Variants in CHCHD6 observed in about 807,000 individuals in gnomAD.
CHCHD6 encodes MICOS complex subunit MIC25.
A neutral mutation model predicts 32.3 loss-of-function variants in CHCHD6; 28 were observed. That is an observed-to-expected ratio of 0.87 (90% confidence interval 0.64 to 1.19). CHCHD6 has a LOEUF of 1.19. CHCHD6 is among the 50% of genes most tolerant of loss of function. The pLI is 0.00. For synonymous variants in CHCHD6, 122 were observed against 117.5 expected (o/e 1.04, Z -0.25); for missense variants, 333 against 307.0 (o/e 1.08, Z -0.63).
chr3:126,841,341 C>T (rs745459202), intron 4 of CHCHD6, among the ~76,000 whole-genome samples: 24 of 151,956 alleles, frequency 1.6e-4, no homozygotes, highest in Non-Finnish European at 1.9e-4. Context: ...TGAATAATGC[C>T]GCAAGAGAAG....
intron 5 of CHCHD6, among the ~76,000 whole-genome samples, chr3:126,887,907 C>G (rs549810244): frequency 6.6e-6 from 1 of 152,350 alleles, no homozygotes; most frequent in South Asian, 2.1e-4. Context: ...CACACCCACT[C>G]TTCTTTTCAC....
chr3:126,767,459 T>A (rs1448279818), intron 4 of CHCHD6: 2 of 648,864 alleles, frequency 3.1e-6, no homozygotes, highest in Admixed American at 2.4e-5. Flanking sequence ...ATTCCTAGAT[T>A]TCCAAAGAAT....
intron 4 of CHCHD6, among the ~76,000 whole-genome samples, chr3:126,743,059 G>T (rs1277680111): frequency 6.6e-6 from 1 of 152,140 alleles, no homozygotes; most frequent in Non-Finnish European, 1.5e-5. Flanking sequence ...GTGTCATTGA[G>T]CAAGGAGAAG....
chr3:126,825,921 C>T (rs1940373124), intron 4 of CHCHD6, among the ~76,000 whole-genome samples: 1 of 152,180 alleles, frequency 6.6e-6, no homozygotes, highest in Non-Finnish European at 1.5e-5. Context: ...TTCTTTCTAG[C>T]AATTCTGTGC....
chr3:126,947,126 G>C (rs577979668), intron 6 of CHCHD6, among the ~76,000 whole-genome samples: 2 of 152,360 alleles, frequency 1.3e-5, no homozygotes, highest in South Asian at 4.1e-4. Context: ...TGGAGTGCCC[G>C]CCGTCATGGG....
At chr3:126,822,850 C>A (rs1243706581) in intron 4 of CHCHD6, among the ~76,000 whole-genome samples, 1 of 151,602 alleles carries the variant, frequency 6.6e-6, no homozygotes, top group Non-Finnish European at 1.5e-5. Context: ...TAGTAACACT[C>A]TTTATTAATT....
chr3:126,940,414 A>G (rs2078542587), intron 6 of CHCHD6, among the ~76,000 whole-genome samples: 1 of 152,188 alleles, frequency 6.6e-6, no homozygotes, highest in African/African-American at 2.4e-5. Flanking sequence ...TTATTCTTGT[A>G]TATGGTTATA....
At chr3:126,756,346 TCTCCAATAGAG>T (rs937014283) in intron 4 of CHCHD6, among the ~76,000 whole-genome samples, 1 of 152,198 alleles carries the variant, frequency 6.6e-6, no homozygotes, top group African/African-American at 2.4e-5. Flanking sequence ...TTCTCCTTTG[TCTCCAATAGAG>T]CTGCCTGGGG....
At chr3:126,860,849 A>G (rs1941834605) in intron 5 of CHCHD6, among the ~76,000 whole-genome samples, 1 of 152,216 alleles carries the variant, frequency 6.6e-6, no homozygotes, top group Non-Finnish European at 1.5e-5. Flanking sequence ...TCAATGAGAC[A>G]GGAATATACA....
intron 4 of CHCHD6, among the ~76,000 whole-genome samples, chr3:126,796,806 C>G (rs1559848999): frequency 6.6e-6 from 1 of 152,146 alleles, no homozygotes; most frequent in African/African-American, 2.4e-5. Context: ...TTTAGGCCCA[C>G]TCGAAGCCTC....
chr3:126,927,286 G>C (rs2078338127), intron 6 of CHCHD6, among the ~76,000 whole-genome samples: 1 of 152,212 alleles, frequency 6.6e-6, no homozygotes, highest in South Asian at 2.1e-4. Flanking sequence ...GCGTTCGTCT[G>C]CTGTCCACCA....
At chr3:126,913,024 T>C (rs2078115323) in intron 5 of CHCHD6, among the ~76,000 whole-genome samples, 2 of 152,084 alleles carry the variant, frequency 1.3e-5, no homozygotes, top group African/African-American at 4.8e-5. Context: ...GTGTGCCTGG[T>C]GGGCGGAGAG....
intron 6 of CHCHD6, among the ~76,000 whole-genome samples, chr3:126,942,002 T>C (rs532727059): frequency 8.5e-5 from 13 of 152,338 alleles, no homozygotes; most frequent in Admixed American, 5.2e-4. Context: ...AACAGTTCCT[T>C]ACTCTTTCGT....
At chr3:126,861,529 A>G (rs900399182) in intron 5 of CHCHD6, among the ~76,000 whole-genome samples, 1 of 151,210 alleles carries the variant, frequency 6.6e-6, no homozygotes, top group Non-Finnish European at 1.5e-5. Context: ...CACCACTACC[A>G]ACACCACCAC....
intron 5 of CHCHD6, among the ~76,000 whole-genome samples, chr3:126,876,137 C>T (rs1383565590): frequency 6.6e-6 from 1 of 152,244 alleles, no homozygotes; most frequent in African/African-American, 2.4e-5. Context: ...CTCATATAGC[C>T]TGCTTCTTTG....
intron 4 of CHCHD6, among the ~76,000 whole-genome samples, chr3:126,734,123 C>G (rs1935936641): frequency 6.6e-6 from 1 of 152,226 alleles, no homozygotes; most frequent in South Asian, 2.1e-4. Context: ...CAGAATTCCT[C>G]TTACATCACA....
chr3:126,775,306 C>T (rs1937616701), intron 4 of CHCHD6, among the ~76,000 whole-genome samples: 2 of 152,138 alleles, frequency 1.3e-5, no homozygotes, highest in Admixed American at 1.3e-4. Flanking sequence ...AAATGTGTGT[C>T]AGTGGTATTA....
At chr3:126,774,411 C>G (rs1937598818) in intron 4 of CHCHD6, among the ~76,000 whole-genome samples, 1 of 152,162 alleles carries the variant, frequency 6.6e-6, no homozygotes. Flanking sequence ...GAAGTTATAT[C>G]TTGTGTAAAT....
chr3:126,836,198 T>C (rs1213398775), intron 4 of CHCHD6, among the ~76,000 whole-genome samples: 3 of 152,250 alleles, frequency 2.0e-5, no homozygotes, highest in African/African-American at 7.2e-5. Flanking sequence ...CAGCCTGTTT[T>C]TCATGCTGCG....
Sources: allele counts gnomAD v4.1 joint callset (sites outside exome capture counted in the v4.1 genomes callset), GRCh38; gene constraint gnomAD v4.1.1; transcripts MANE v1.5; gene names NCBI Gene and HGNC (gene_info 2026-07-23, HGNC 2026-07-21).